The following SPAG6 variants were observed in gnomAD, a reference collection of about 807,000 sequenced individuals.
The protein encoded by SPAG6 is sperm-associated antigen 6.
In SPAG6, 49 loss-of-function variants were observed where a neutral mutation model predicts 58.5. That is an observed-to-expected ratio of 0.84 (90% CI 0.67 to 1.06). The LOEUF (loss-of-function observed/expected upper bound fraction) is 1.06, where lower values mean the gene tolerates loss of function less well. Ranked by LOEUF, SPAG6 falls within the 50% of genes least tolerant of loss-of-function variation. The pLI is 0.00. For missense variants in SPAG6, 560 were observed against 611.3 expected (o/e 0.92, Z 0.89); for synonymous variants, 233 against 225.6 (o/e 1.03, Z -0.29).
chr10:22,410,592 G>C (rs1834707246), intron 9 of SPAG6, among the ~76,000 whole-genome samples: 1 of 152,070 alleles, frequency 6.6e-6, no homozygotes, highest in African/African-American at 2.4e-5. Context: ...AGCAGCGTGG[G>C]CAAAGGCAAG....
intron 4 of SPAG6, among the ~76,000 whole-genome samples, chr10:22,379,635 G>A (rs1833905603): frequency 6.6e-6 from 1 of 152,170 alleles, no homozygotes; most frequent in African/African-American, 2.4e-5. Flanking sequence ...CCTAGTGATA[G>A]GTCTTGAGCC....
chr10:22,368,996 G>A (rs1366757485), intron 4 of SPAG6, among the ~76,000 whole-genome samples: 1 of 152,148 alleles, frequency 6.6e-6, no homozygotes, highest in Non-Finnish European at 1.5e-5. Context: ...TTAGGTTGGT[G>A]CATAAGTGGT....
chr10:22,369,845 A>G (rs1833643562), intron 4 of SPAG6, among the ~76,000 whole-genome samples: 1 of 152,230 alleles, frequency 6.6e-6, no homozygotes, highest in Non-Finnish European at 1.5e-5. Flanking sequence ...AGGAACTACA[A>G]ATTGTATAAA....
At chr10:22,372,488 G>A (rs977698522) in intron 4 of SPAG6, among the ~76,000 whole-genome samples, 1 of 152,008 alleles carries the variant, frequency 6.6e-6, no homozygotes, top group African/African-American at 2.4e-5. Context: ...CAGCCACTGG[G>A]AGGTGGGTGA....
At chr10:22,404,662 A>G (rs1161470456) in intron 9 of SPAG6, among the ~76,000 whole-genome samples, 4 of 132,680 alleles carry the variant, frequency 3.0e-5, no homozygotes, top group Non-Finnish European at 3.2e-5. Flanking sequence ...GTTTTTTCCA[A>G]TTCTGTGAAG....
intron 10 of SPAG6, among the ~76,000 whole-genome samples, chr10:22,413,707 A>ATATATATATG (rs945217707): frequency 6.6e-6 from 1 of 150,822 alleles, no homozygotes; most frequent in African/African-American, 2.5e-5. Context: ...ATATATATAT[A>ATATATATATG]TTTCACCCAC....
At chr10:22,358,429 G>C (rs959121949) in intron 2 of SPAG6, among the ~76,000 whole-genome samples, 39 of 151,928 alleles carry the variant, frequency 2.6e-4, no homozygotes, top group African/African-American at 9.2e-4. Flanking sequence ...TTTTGATGGG[G>C]TTGTTTTTTT....
chr10:22,374,033 A>G (rs1474644109), intron 4 of SPAG6, among the ~76,000 whole-genome samples: 23 of 152,192 alleles, frequency 1.5e-4, no homozygotes, highest in Admixed American at 1.5e-3. Flanking sequence ...TGTGCTGGTA[A>G]AAAATGTTGT....
intron 8 of SPAG6, among the ~76,000 whole-genome samples, chr10:22,394,016 C>G (rs1180888216): frequency 6.6e-6 from 1 of 152,150 alleles, no homozygotes; most frequent in Non-Finnish European, 1.5e-5. Flanking sequence ...AATGAGCAAT[C>G]TTTTGGAATT....
chr10:22,406,860 C>T (rs1834570666), intron 9 of SPAG6, among the ~76,000 whole-genome samples: 7 of 150,950 alleles, frequency 4.6e-5, no homozygotes, highest in African/African-American at 1.2e-4. Context: ...GTTAGCTCTT[C>T]TTGTTGAATT....
chr10:22,361,803 A>T (rs1325442023), intron 2 of SPAG6, among the ~76,000 whole-genome samples: 2 of 151,940 alleles, frequency 1.3e-5, no homozygotes, highest in African/African-American at 4.8e-5. Flanking sequence ...GAGATTTGTG[A>T]TAGATTAAAT....
chr10:22,404,776 T>C (rs1437921565), intron 9 of SPAG6, among the ~76,000 whole-genome samples: 1 of 151,132 alleles, frequency 6.6e-6, no homozygotes, highest in East Asian at 1.9e-4. Flanking sequence ...GAGCATGGAA[T>C]GTTCTTCCAT....
chr10:22,389,904 C>T (rs1232788093), intron 7 of SPAG6, among the ~76,000 whole-genome samples: 4 of 152,140 alleles, frequency 2.6e-5, no homozygotes, highest in Non-Finnish European at 5.9e-5. Context: ...TAGTGCAGCC[C>T]TGGCACATAG....
At chr10:22,396,169 A>G (rs1464984640) in intron 8 of SPAG6, among the ~76,000 whole-genome samples, 1 of 152,192 alleles carries the variant, frequency 6.6e-6, no homozygotes, top group Non-Finnish European at 1.5e-5. Flanking sequence ...GAACTCTGAT[A>G]TAGTTTGGCT....
chr10:22,383,570 A>G (rs374140825), intron 4 of SPAG6, among the ~76,000 whole-genome samples: 11 of 152,050 alleles, frequency 7.2e-5, no homozygotes, highest in South Asian at 4.2e-4. Flanking sequence ...CCCAGGAGGC[A>G]GAGGTTGCAG....
At chr10:22,397,060 C>T (rs2132096841) in intron 8 of SPAG6, among the ~76,000 whole-genome samples, 1 of 152,206 alleles carries the variant, frequency 6.6e-6, no homozygotes, top group African/African-American at 2.4e-5. Context: ...CTGTACAATT[C>T]ATGGTATGGA....
intron 7 of SPAG6, 134 bp from the exon 8 acceptor site, chr10:22,391,595 G>T (rs754803593): frequency 1.0e-5 from 7 of 677,140 alleles, no homozygotes; most frequent in Non-Finnish European, 1.7e-5. Flanking sequence ...CCCCTGTGAT[G>T]TGCTCATTTA....
chr10:22,357,813 C>G (rs1336403928), intron 2 of SPAG6, among the ~76,000 whole-genome samples: 1 of 147,638 alleles, frequency 6.8e-6, no homozygotes, highest in Non-Finnish European at 1.5e-5. Flanking sequence ...CAGTTCCCAC[C>G]TATGAGTGAG....
chr10:22,385,876 G>T (rs1834052985), intron 4 of SPAG6, among the ~76,000 whole-genome samples: 1 of 152,142 alleles, frequency 6.6e-6, no homozygotes, highest in Non-Finnish European at 1.5e-5. Context: ...TTCCAGAAAT[G>T]GGTGTCTGTG....
Sources: allele counts gnomAD v4.1 joint callset (sites outside exome capture counted in the v4.1 genomes callset), GRCh38; gene constraint gnomAD v4.1.1; transcripts MANE v1.5; gene names NCBI Gene and HGNC (gene_info 2026-07-23, HGNC 2026-07-21).